BICRAL: variants seen among roughly 807,000 people sequenced by gnomAD.
BICRAL encodes the protein BRD4-interacting chromatin-remodeling complex-associated protein-like.
A neutral mutation model predicts 91.8 loss-of-function variants in BICRAL; 8 were observed. That is an observed-to-expected ratio of 0.09 (90% confidence interval 0.05 to 0.16). BICRAL has a LOEUF of 0.16. Ranked by LOEUF, BICRAL falls within the 10% of genes least tolerant of loss-of-function variation. The pLI is 1.00. For synonymous variants in BICRAL, 445 were observed against 491.1 expected (o/e 0.91, Z 1.24); for missense variants, 1,038 against 1,310.9 (o/e 0.79, Z 3.21).
intron 1 of BICRAL, among the ~76,000 whole-genome samples, chr6:42,795,644 A>G (rs1763396813): frequency 6.6e-6 from 1 of 152,230 alleles, no homozygotes; most frequent in Non-Finnish European, 1.5e-5. Flanking sequence ...CACAGAATAA[A>G]TATTTTCAGA....
At chr6:42,801,441 GA>G (rs2113899057) in intron 1 of BICRAL, among the ~76,000 whole-genome samples, 1 of 152,200 alleles carries the variant, frequency 6.6e-6, no homozygotes, top group South Asian at 2.1e-4. Flanking sequence ...GTATTTTAGT[GA>G]ATGTTTTGAC....
chr6:42,864,764 T>C lies in BICRAL; in HGVS notation c.2558T>C (p.Leu853Pro). The change falls in exon 13 of 13, where the codon CTG becomes CCG. Residue 853 changes from leucine to proline, a missense_variant. Transcript: ENST00000314073. The stretch of plus-strand genomic sequence containing the variant: ...CATGGCAGTAAAGCAAGCAGCTCTC[T>C]GCAACCGCCAGCCAAGGCCCAAGGC... The part of the protein sequence containing the change: ...DQHGSKASSS[L>P]QPPAKAQGRD... 6.2e-7 allele frequency: 1 copy of C among 1,614,180 alleles called. No homozygotes were observed. Among genetic ancestry groups the C allele is most frequent in the Non-Finnish European group, 8.5e-7 (1 of 1,180,034 alleles).
chr6:42,753,470 G>A lies in BICRAL; in HGVS notation c.-261+6447G>A, dbSNP rs115812197. On this transcript the variant is annotated intron_variant, in intron 1 of 14. Transcript: ENST00000614467. ...AGAGGGGGTTGAGCTGAACGGGAAA[G>A]CATGAGTAGGAATTAACAAGAGAGA... Among the ~76,000 whole-genome samples, 188 of 152,280 alleles carry A rather than the reference G, an allele frequency of 1.2e-3. 1 individual carries two copies. The highest frequency in any genetic ancestry group is 4.4e-3 in the African/African-American group (181 of 41,568).
At chr6:42,796,231 C>A (rs768325039) in intron 1 of BICRAL, among the ~76,000 whole-genome samples, 16 of 152,022 alleles carry the variant, frequency 1.1e-4, no homozygotes, top group Admixed American at 2.6e-4. Context: ...GATAGGAAGA[C>A]GGGGAGTGCT....
intron 2 of BICRAL, among the ~76,000 whole-genome samples, chr6:42,820,191 G>T (rs1475443835): frequency 1.3e-5 from 2 of 152,096 alleles, no homozygotes; most frequent in Non-Finnish European, 2.9e-5. Context: ...AGGCAAGTGT[G>T]TCAAGTAAGG....
At chr6:42,804,476 C>T (rs1456410811) in intron 1 of BICRAL, among the ~76,000 whole-genome samples, 10 of 152,104 alleles carry the variant, frequency 6.6e-5, no homozygotes, top group Admixed American at 1.3e-4. Flanking sequence ...AATTTTGCTT[C>T]GGGATTTAAA....
rs187886250 is a variant in BICRAL at position 42,821,383 on chromosome 6, C to T, written c.-5-635C>T. Among the ~76,000 whole-genome samples, 126 of 152,140 alleles carry T rather than the reference C, an allele frequency of 8.3e-4. No individual in the cohort carries two copies. In the Middle Eastern group the frequency reaches 0.017, roughly 21 times the overall value. On this transcript the variant is annotated intron_variant, in intron 2 of 12. Coordinates refer to ENST00000314073, the MANE Select transcript of BICRAL (RefSeq NM_001393499.1). Reference sequence around the variant, plus strand: ...GAACTTTTTTGGTTGAGATTCTCTACTTTAAGGATTCTAGTGTTAGGATGT... The same window carrying T: ...GAACTTTTTTGGTTGAGATTCTCTATTTTAAGGATTCTAGTGTTAGGATGT...
rs1179256343 is a variant in BICRAL at position 42,793,984 on chromosome 6, TTTTATTTTTA to T, written c.-102+11887_-102+11896del. ...GACAAGATGACATTTTTATTTTTAT[TTTTATTTTTA>T]TTTTTATTTTTATTTTTAAAATGTA... is the stretch of plus-strand genomic sequence containing the variant. On this transcript the variant is annotated intron_variant, in intron 1 of 12. Coordinates refer to ENST00000314073, the MANE Select transcript of BICRAL (RefSeq NM_001393499.1). Among the ~76,000 whole-genome samples, 3 of 151,054 alleles carry T rather than the reference TTTTATTTTTA, an allele frequency of 2.0e-5. No homozygotes were observed. In the East Asian group the frequency reaches 5.8e-4, roughly 29 times the overall value.
intron 9 of BICRAL, among the ~76,000 whole-genome samples, chr6:42,856,507 T>C (rs1308576342): frequency 6.7e-6 from 1 of 150,052 alleles, no homozygotes; most frequent in Non-Finnish European, 1.5e-5. Flanking sequence ...CTGGAATAGC[T>C]GGGATTATAG....
intron 5 of BICRAL, among the ~76,000 whole-genome samples, chr6:42,825,271 A>AAG (rs1422407818): frequency 5.4e-5 from 8 of 148,074 alleles, no homozygotes; most frequent in African/African-American, 2.0e-4. Context: ...AAAAAAAAAA[A>AAG]AAAAAAAAAT....
At chr6:42,794,266 G>A (rs1050474959) in intron 1 of BICRAL, among the ~76,000 whole-genome samples, 1 of 152,036 alleles carries the variant, frequency 6.6e-6, no homozygotes, top group Admixed American at 6.6e-5. Flanking sequence ...CAATCTGACA[G>A]TTAATTTCAA....
chr6:42,850,255 C>T lies in BICRAL; in HGVS notation c.1840-1837C>T, dbSNP rs546259609. Among the ~76,000 whole-genome samples, 4 of 152,236 alleles carry T rather than the reference C, an allele frequency of 2.6e-5. No homozygotes were observed. The South Asian group carries it at 8.3e-4, about 32-fold the overall frequency. ...ACCGAAGAGGCTGGGTGTAGTGGCT[C>T]ACGCCTGTAATCCCAACACTTTGGG... On this transcript the variant is annotated intron_variant, in intron 6 of 12. Coordinates refer to ENST00000314073, the MANE Select transcript of BICRAL (RefSeq NM_001393499.1).
At chr6:42,752,917 T>G (rs919403152) in intron 1 of BICRAL, among the ~76,000 whole-genome samples, 3 of 144,816 alleles carry the variant, frequency 2.1e-5, no homozygotes, top group Non-Finnish European at 4.5e-5. Flanking sequence ...GCTGACTTTT[T>G]TTTTTTTTTT....
At chr6:42,783,753 C>T (rs1035413927) in intron 1 of BICRAL, among the ~76,000 whole-genome samples, 3 of 152,330 alleles carry the variant, frequency 2.0e-5, no homozygotes, top group African/African-American at 4.8e-5. Flanking sequence ...AAGAAGGGGG[C>T]TGGGGGTCGA....
chr6:42,760,359 T>TAA (rs59668032), intron 1 of BICRAL, among the ~76,000 whole-genome samples: 95 of 125,926 alleles, frequency 7.5e-4, no homozygotes, highest in African/African-American at 1.4e-3. Flanking sequence ...TCTCTACTAC[T>TAA]AAAAAAAAAA....
intron 1 of BICRAL, among the ~76,000 whole-genome samples, chr6:42,764,709 A>G (rs1762607367): frequency 6.6e-6 from 1 of 152,046 alleles, no homozygotes; most frequent in South Asian, 2.1e-4. Context: ...CCCAGGCTGG[A>G]ATGCAGTGGT....
chr6:42,837,287 T>G (rs1486593900), intron 6 of BICRAL, among the ~76,000 whole-genome samples: 8 of 152,112 alleles, frequency 5.3e-5, no homozygotes, highest in Admixed American at 6.6e-5. Context: ...TTATAGAATG[T>G]TGTAACAAAC....
chr6:42,803,893 C>T (rs1763639357), intron 1 of BICRAL, among the ~76,000 whole-genome samples: 1 of 152,186 alleles, frequency 6.6e-6, no homozygotes, highest in Admixed American at 6.5e-5. Context: ...CAAGGCTGTG[C>T]AGCATGTTAC....
rs191804864 is a variant in BICRAL, at chr6:42,828,557, G to T, written c.224G>T (p.Gly75Val). 12 of 1,613,960 alleles carry T rather than the reference G, an allele frequency of 7.4e-6. No homozygotes were observed. The highest frequency in any genetic ancestry group is 1.0e-5 in the Non-Finnish European group (12 of 1,179,882). ...CAGCTTGGAGAAGGGCCCAGTGATG[G>T]ACTGCCACTTTCAAGTAGCCTCCAG... ...SNQLGEGPSD[G>V]LPLSSSLQFL... The change falls in exon 6 of 13, where the codon GGA becomes GTA. Residue 75 changes from glycine (G) to valine (V), a missense_variant. Transcript: ENST00000314073.
Sources: gnomAD v4.1 joint callset for allele counts (sites outside exome capture counted in the v4.1 genomes callset) on GRCh38, gnomAD v4.1.1 for gene constraint, MANE v1.5 for transcripts, NCBI Gene and HGNC (gene_info 2026-07-23, HGNC 2026-07-21) for gene names.